SRGAP2: variants seen among roughly 807,000 people sequenced by gnomAD.
SRGAP2 encodes SLIT-ROBO Rho GTPase-activating protein 2.
Under a neutral mutation model 57.2 loss-of-function variants are expected in SRGAP2, and 15 were observed. The observed-to-expected ratio is 0.26, with a 90% confidence interval of 0.18 to 0.40. The LOEUF (loss-of-function observed/expected upper bound fraction) is 0.40. Ranked by LOEUF, SRGAP2 falls within the 10% of genes least tolerant of loss-of-function variation. The pLI is 1.00. For missense variants in SRGAP2, 520 were observed against 669.6 expected, an observed-to-expected ratio of 0.78 and a Z score of 2.47; for synonymous variants, 249 against 248.0, an observed-to-expected ratio of 1.00 and a Z score of -0.04.
At position 206,462,955 on chromosome 1, in the gene SRGAP2, T is replaced by A. The variant is rs1321851948; in HGVS notation, c.*1535T>A. 6.6e-6 allele frequency: 1 copy of A among 152,234 alleles called. No individual in the cohort carries two copies. Among genetic ancestry groups the A allele is most frequent in the Non-Finnish European group, 1.5e-5 (1 of 68,050 alleles). The allele number at this position is 152,234 out of a possible 1,614,324, so 9.4% of individuals were successfully genotyped here. On this transcript the variant is annotated 3_prime_UTR_variant, in exon 23 of 23. Coordinates refer to ENST00000573034, the MANE Select transcript of SRGAP2 (RefSeq NM_015326.5). ...CAGCAACTTGAGTTAAAGCTGAAAC[T>A]CATCCTTCTTCTCTGTGTTTTCTGG...
intron 3 of SRGAP2, among the ~76,000 whole-genome samples, chr1:206,340,860 C>G (rs1571902469): frequency 2.0e-5 from 3 of 149,464 alleles, no homozygotes; most frequent in Non-Finnish European, 4.4e-5. Flanking sequence ...TGTCTCTCTT[C>G]CTCTCAGCTG....
intron 3 of SRGAP2, among the ~76,000 whole-genome samples, chr1:206,338,043 A>G (rs562170597): frequency 3.3e-5 from 5 of 150,722 alleles, no homozygotes; most frequent in South Asian, 2.1e-4. Flanking sequence ...GTGCATTTAC[A>G]GTGATAATGT....
intron 3 of SRGAP2, among the ~76,000 whole-genome samples, chr1:206,303,884 T>C (rs1217177823): frequency 3.5e-5 from 5 of 142,514 alleles, no homozygotes; most frequent in Non-Finnish European, 6.0e-5. Context: ...TCTCTCTCTC[T>C]CTCTCACACA....
chr1:206,374,592 TG>T (rs1655045658), intron 4 of SRGAP2, among the ~76,000 whole-genome samples: 1 of 123,000 alleles, frequency 8.1e-6, no homozygotes, highest in Admixed American at 8.5e-5. Flanking sequence ...GTGTTTACTG[TG>T]GACAAAGACA....
At chr1:206,423,541 T>G (rs149128139) in intron 13 of SRGAP2, among the ~76,000 whole-genome samples, 54 of 152,314 alleles carry the variant, frequency 3.5e-4, no homozygotes, top group African/African-American at 1.3e-3. Context: ...CTTCTCTGTT[T>G]GTGTTCGGGG....
In SRGAP2 at chr1:206,268,627, T is replaced by C. The variant is rs1226666969; in HGVS notation, c.68-34654T>C. Among the ~76,000 whole-genome samples, 10 of 149,820 alleles carry C rather than the reference T, an allele frequency of 6.7e-5. No individual in the cohort carries two copies. The East Asian group carries it at 1.8e-3, about 26-fold the overall frequency. ...AGACTGTCACAAAGTTAATAAATAA[T>C]TGGGAGTCAAAGAATTCATTATTGA... On this transcript the variant is annotated intron_variant, in intron 2 of 22. Transcript: ENST00000573034.
intron 4 of SRGAP2, among the ~76,000 whole-genome samples, chr1:206,360,266 G>A (rs1553340391): frequency 1.3e-5 from 2 of 148,336 alleles, no homozygotes; most frequent in East Asian, 3.9e-4. Context: ...AGATGGGAAT[G>A]CGCTTATCTG....
rs372786913 is a variant in SRGAP2, at chr1:206,422,984, A to G, written c.1494+1710A>G. 1.2e-4 allele frequency among the ~76,000 whole-genome samples: 19 copies of G among 152,384 alleles called. 1 individual carries two copies. The highest frequency in any genetic ancestry group is 4.3e-4 in the African/African-American group (18 of 41,596). On this transcript the variant is annotated intron_variant, in intron 13 of 22. Transcript: ENST00000573034. ...TAAAATAGATAGTAAGTTACTTGGA[A>G]GGTGAGTAATCTTATATAAGTAACA...
At position 206,394,038 on chromosome 1, in the gene SRGAP2, C is replaced by CTTT. The variant is rs577375533; in HGVS notation, c.831+389_831+391dup. On this transcript the variant is annotated intron_variant, in intron 7 of 22. Transcript: ENST00000573034. ...CTATCTGCCAGGAAATACTTTCTTC[C>CTTT]TTTTTTTTTTTTTTTTTTTTTTTTT... Among the ~76,000 whole-genome samples, 81 of 49,900 alleles carry CTTT rather than the reference C, an allele frequency of 1.6e-3. 9 individuals carry two copies. The highest frequency in any genetic ancestry group is 3.9e-3 in the East Asian group (4 of 1,016). 32.7% of individuals were successfully genotyped at this position (49,900 alleles called of 152,430 possible). A position where few individuals can be genotyped will look rare whatever the true frequency, so the allele number is the denominator to read the frequency against.
At chr1:206,451,066 A>G (rs144098686) in intron 19 of SRGAP2, among the ~76,000 whole-genome samples, 4 of 143,642 alleles carry the variant, frequency 2.8e-5, no homozygotes, top group South Asian at 4.7e-4. Flanking sequence ...GCAACAAGCT[A>G]TGATTGTACT....
intron 22 of SRGAP2, 32 bp from the exon 23 acceptor site, chr1:206,461,005 T>C (rs1553380323): frequency 7.5e-6 from 5 of 668,858 alleles, no homozygotes; most frequent in Non-Finnish European, 1.4e-5. Context: ...TCCCCTCATT[T>C]GCCTCACCTC....
chr1:206,242,565 C>CT (rs1274471276), intron 2 of SRGAP2, among the ~76,000 whole-genome samples: 1 of 123,658 alleles, frequency 8.1e-6, no homozygotes, highest in Non-Finnish European at 1.7e-5. Flanking sequence ...CGCTTGGCCT[C>CT]TAAGTCATTG....
chr1:206,208,764 C>T (rs1385462539), intron 2 of SRGAP2, among the ~76,000 whole-genome samples: 9 of 151,690 alleles, frequency 5.9e-5, no homozygotes, highest in African/African-American at 2.2e-4. Context: ...AGACTTACTT[C>T]TCTTACAGAT....
chr1:206,443,094 G>A (rs1662453596), intron 17 of SRGAP2, among the ~76,000 whole-genome samples: 1 of 152,166 alleles, frequency 6.6e-6, no homozygotes, highest in Non-Finnish European at 1.5e-5. Context: ...AAAAGTGCAT[G>A]CTAAAAAGTA....
intron 4 of SRGAP2, among the ~76,000 whole-genome samples, chr1:206,381,201 T>G (rs746989411): frequency 6.6e-6 from 1 of 152,226 alleles, no homozygotes; most frequent in Non-Finnish European, 1.5e-5. Context: ...TGGTTACACT[T>G]TTCCCTCCCC....
chr1:206,240,443 G>C (rs1282790511), intron 2 of SRGAP2, among the ~76,000 whole-genome samples: 5 of 152,038 alleles, frequency 3.3e-5, no homozygotes, highest in Non-Finnish European at 5.9e-5. Context: ...CTCCAGTTTG[G>C]CTGTAAACTC....
intron 22 of SRGAP2, among the ~76,000 whole-genome samples, chr1:206,460,207 T>C (rs976359215): frequency 6.6e-6 from 1 of 152,156 alleles, no homozygotes; most frequent in Non-Finnish European, 1.5e-5. Context: ...TGTGGTAGTT[T>C]GGGGGTGCCA....
At chr1:206,265,554 A>G (rs1230160318) in intron 2 of SRGAP2, among the ~76,000 whole-genome samples, 1 of 77,194 alleles carries the variant, frequency 1.3e-5, no homozygotes, top group East Asian at 3.8e-4. Flanking sequence ...AGTCCTAGAA[A>G]GACGGTCACA....
chr1:206,228,778 A>G (rs2102505979), intron 2 of SRGAP2, among the ~76,000 whole-genome samples: 1 of 151,638 alleles, frequency 6.6e-6, no homozygotes, highest in East Asian at 1.9e-4. Context: ...GTACAAAGGA[A>G]TGACATATGT....
Sources: allele counts gnomAD v4.1 joint callset (sites outside exome capture counted in the v4.1 genomes callset), GRCh38; gene constraint gnomAD v4.1.1; transcripts MANE v1.5; gene names NCBI Gene and HGNC (gene_info 2026-07-23, HGNC 2026-07-21).